DHTKD1: variants seen among roughly 807,000 people sequenced by gnomAD.
DHTKD1 encodes the protein dehydrogenase E1 and transketolase domain containing 1.
In DHTKD1, 78 loss-of-function variants were observed where a neutral mutation model predicts 101.8. The ratio of observed to expected loss-of-function variants is 0.77; its 90% CI spans 0.64 to 0.93. DHTKD1 has a LOEUF of 0.93. Among genes scored for constraint, DHTKD1 ranks in the 40% least tolerant of loss-of-function variants. DHTKD1 has a pLI of 0.00. For missense variants in DHTKD1, 1,223 were observed against 1,161.7 expected (o/e 1.05, Z -0.77); for synonymous variants, 462 against 450.3 (o/e 1.03, Z -0.33).
At chr10:12,118,046 C>T (rs1303789720) in intron 14 of DHTKD1, among the ~76,000 whole-genome samples, 3 of 151,892 alleles carry the variant, frequency 2.0e-5, no homozygotes, top group African/African-American at 7.3e-5. Flanking sequence ...CCCGCCACCA[C>T]ACCCTGCTAA....
chr10:12,104,038 A>G (rs904476766), intron 10 of DHTKD1, among the ~76,000 whole-genome samples: 3 of 152,180 alleles, frequency 2.0e-5, no homozygotes, highest in Non-Finnish European at 4.4e-5. Context: ...GACACCACTC[A>G]TCGACTGTTT....
chr10:12,120,748 T>G, intron 16 of DHTKD1, 39 bp from the exon 17 acceptor site: 1 of 1,568,782 alleles, frequency 6.4e-7, no homozygotes, highest in Admixed American at 1.7e-5. Flanking sequence ...TCTGATCTAG[T>G]CAAAATGTCA....
At chr10:12,082,204 T>C (rs1832830599) in intron 2 of DHTKD1, among the ~76,000 whole-genome samples, 1 of 152,026 alleles carries the variant, frequency 6.6e-6, no homozygotes, top group Non-Finnish European at 1.5e-5. Flanking sequence ...TCAAAATCAC[T>C]CCCAAAAGTA....
rs1207098109 is a variant in DHTKD1 at position 12,091,645 on chromosome 10, G to A, written c.1120G>A (p.Ala374Thr). 1 of 1,613,884 alleles carries A rather than the reference G, an allele frequency of 6.2e-7. No individual in the cohort carries two copies. Among genetic ancestry groups the A allele is most frequent in the Admixed American group, 1.7e-5 (1 of 59,938 alleles). The change falls in exon 6 of 17, where the codon GCT (alanine) becomes ACT (threonine). Residue 374 changes from alanine (A) to threonine (T), a missense_variant. Ala to Thr is a moderately conservative substitution (Grantham distance 58, BLOSUM62 0). Transcript: ENST00000263035. ...VNNQLGYTTP[A>T]ERGRSSLYCS... Reference sequence around the variant, plus strand: ...TAACCAGCTGGGTTACACCACTCCAGCTGAAAGAGGAAGGTCTTCTTTATA... The same window carrying A: ...TAACCAGCTGGGTTACACCACTCCAACTGAAAGAGGAAGGTCTTCTTTATA...
intron 13 of DHTKD1, 106 bp downstream of exon 13, chr10:12,113,170 T>C (rs1224142525): frequency 9.3e-7 from 1 of 1,073,044 alleles, no homozygotes; most frequent in Non-Finnish European, 1.3e-6. Flanking sequence ...AAACACCTTT[T>C]TAGTTTCAAC....
At chr10:12,105,436 C>T (rs1833228922) in intron 10 of DHTKD1, among the ~76,000 whole-genome samples, 2 of 152,052 alleles carry the variant, frequency 1.3e-5, no homozygotes, top group Admixed American at 6.6e-5. Flanking sequence ...CCACCTCAGC[C>T]TCCCAAGTAG....
chr10:12,120,656 A>G, intron 16 of DHTKD1, 131 bp from the exon 17 acceptor site: 1 of 792,254 alleles, frequency 1.3e-6, no homozygotes. Flanking sequence ...TCTTCTGCGT[A>G]ACTCATTATT....
In DHTKD1 at chr10:12,094,545, C is replaced by T. The variant is rs542545902; in HGVS notation, c.1358+274C>T. ...AGAGATGGAGTTTTGCCATGTTGGC[C>T]AGGCTGATGTCAAACTCCTGACCTC... On this transcript the variant is annotated intron_variant, in intron 7 of 16. Coordinates refer to ENST00000263035, the MANE Select transcript of DHTKD1 (RefSeq NM_018706.7). Among the ~76,000 whole-genome samples, 189 of 151,510 alleles carry T rather than the reference C, an allele frequency of 1.2e-3. 1 individual carries two copies. Among genetic ancestry groups the T allele is most frequent in the African/African-American group, 4.4e-3 (181 of 41,318 alleles).
At chr10:12,095,251 T>A (rs930526158) in intron 7 of DHTKD1, among the ~76,000 whole-genome samples, 2 of 152,216 alleles carry the variant, frequency 1.3e-5, no homozygotes, top group African/African-American at 4.8e-5. Flanking sequence ...CAGTCCTGAT[T>A]AATGTGCTGT....
chr10:12,103,986 C>G lies in DHTKD1; in HGVS notation c.1897-2260C>G, dbSNP rs753579556. Among the ~76,000 whole-genome samples, 1 of 152,084 alleles carries G rather than the reference C, an allele frequency of 6.6e-6. No homozygotes were observed. The highest frequency in any genetic ancestry group is 2.1e-4 in the South Asian group (1 of 4,826). ...TTACCCTAGAAAGCAAGCCCATGCC[C>G]GTTAGCAGTCACTGCCCATTCCTTC... On this transcript the variant is annotated intron_variant, in intron 10 of 16. Transcript: ENST00000263035. This position sits in a 1 kb window ranked among gnomAD's most constrained non-coding sequence, Gnocchi z 4.8.
At chr10:12,075,147 A>T (rs112051743) in intron 1 of DHTKD1, among the ~76,000 whole-genome samples, 38 of 152,164 alleles carry the variant, frequency 2.5e-4, no homozygotes, top group African/African-American at 8.2e-4. Flanking sequence ...TTAGAGAAGA[A>T]CCTATGTCAA....
chr10:12,076,745 G>A (rs12360222), intron 1 of DHTKD1, among the ~76,000 whole-genome samples: 71,219 of 151,476 alleles, frequency 0.47, 18,728 homozygotes, highest in South Asian at 0.72. Context: ...TGCAAGCTCC[G>A]CCTCCCGGGT....
chr10:12,091,391 G>A (rs1358559797), intron 5 of DHTKD1, 122 bp from the exon 6 acceptor site: 23 of 669,006 alleles, frequency 3.4e-5, no homozygotes, highest in Non-Finnish European at 4.4e-5. Flanking sequence ...CAGCCTGGGC[G>A]AAAGAGCAAG....
intron 1 of DHTKD1, among the ~76,000 whole-genome samples, chr10:12,074,657 G>C (rs1283819325): frequency 9.0e-4 from 2 of 2,234 alleles, no homozygotes; most frequent in African/African-American, 2.6e-3. Context: ...CGCGGGTCTT[G>C]CTATGTTGCC....
intron 10 of DHTKD1, among the ~76,000 whole-genome samples, chr10:12,105,572 C>T (rs944208545): frequency 2.6e-5 from 4 of 152,122 alleles, no homozygotes; most frequent in African/African-American, 9.7e-5. Context: ...CCCATCTCGG[C>T]CTCCCAAATT....
At chr10:12,086,484 G>T (rs538830436) in intron 3 of DHTKD1, among the ~76,000 whole-genome samples, 3 of 151,734 alleles carry the variant, frequency 2.0e-5, no homozygotes, top group African/African-American at 7.3e-5. Context: ...CTTCCAAAGT[G>T]CTGGGATTAC....
intron 7 of DHTKD1, among the ~76,000 whole-genome samples, chr10:12,094,796 C>T (rs1588610907): frequency 1.3e-5 from 2 of 152,078 alleles, no homozygotes; most frequent in African/African-American, 4.8e-5. Flanking sequence ...TGCATCACCA[C>T]GCCTGGCTAA....
At chr10:12,095,249 A>G (rs1833049359) in intron 7 of DHTKD1, among the ~76,000 whole-genome samples, 1 of 152,228 alleles carries the variant, frequency 6.6e-6, no homozygotes, top group Non-Finnish European at 1.5e-5. Flanking sequence ...GCCAGTCCTG[A>G]TTAATGTGCT....
intron 5 of DHTKD1, among the ~76,000 whole-genome samples, chr10:12,090,389 TTTCC>T (rs1244186979): frequency 8.5e-5 from 9 of 105,736 alleles, no homozygotes; most frequent in African/African-American, 1.1e-4. Flanking sequence ...TCCTTCCTTT[TTTCC>T]TTCCTTCCTT....
Sources: gnomAD v4.1 joint callset for allele counts (sites outside exome capture counted in the v4.1 genomes callset) on GRCh38, gnomAD v4.1.1 for gene constraint, Gnocchi (gnomAD v3.1) non-coding constraint, MANE v1.5 for transcripts, NCBI Gene and HGNC (gene_info 2026-07-23, HGNC 2026-07-21) for gene names.